The following RAPH1 variants were observed in gnomAD, a reference collection of about 807,000 sequenced individuals.
The protein encoded by RAPH1 is Ras association (RalGDS/AF-6) and pleckstrin homology domains 1.
RAPH1 carries 18 observed loss-of-function variants against 88.1 expected under a neutral mutation model. That is an observed-to-expected ratio of 0.20 (90% CI 0.14 to 0.30). The LOEUF (loss-of-function observed/expected upper bound fraction) is 0.30, where lower values mean the gene tolerates loss of function less well. Ranked by LOEUF, RAPH1 falls within the 10% of genes least tolerant of loss-of-function variation. The probability of loss-of-function intolerance (pLI) is 1.00; values close to 1 mark genes in which losing one functional copy is unlikely to be tolerated. For missense variants in RAPH1, 1,448 were observed against 1,543.2 expected (o/e 0.94, Z 1.03); for synonymous variants, 587 against 559.0 (o/e 1.05, Z -0.71).
chr2:203,505,778 A>C (rs1172020653), intron 1 of RAPH1, among the ~76,000 whole-genome samples: 1 of 152,196 alleles, frequency 6.6e-6, no homozygotes, highest in Admixed American at 6.5e-5. Context: ...GCTTTAAGCC[A>C]CTCAGCGTGT....
intron 1 of RAPH1, among the ~76,000 whole-genome samples, chr2:203,509,696 C>A (rs1689249781): frequency 6.6e-6 from 1 of 152,100 alleles, no homozygotes; most frequent in African/African-American, 2.4e-5. Context: ...GGTATCCCTG[C>A]AAATCTCATG....
At chr2:203,508,078 C>T (rs1480598207) in intron 1 of RAPH1, among the ~76,000 whole-genome samples, 1 of 151,114 alleles carries the variant, frequency 6.6e-6, no homozygotes, top group Non-Finnish European at 1.5e-5. Context: ...AAATTAGCCA[C>T]ATGTGGTGGT....
chr2:203,471,808 C>T (rs1304734436), intron 4 of RAPH1, among the ~76,000 whole-genome samples: 1 of 78,986 alleles, frequency 1.3e-5, no homozygotes, highest in Non-Finnish European at 2.8e-5. Flanking sequence ...CCCCTCTCAC[C>T]CATTCTTTAA....
At chr2:203,523,392 CAAA>C (rs372951126) in intron 1 of RAPH1, among the ~76,000 whole-genome samples, 2 of 99,404 alleles carry the variant, frequency 2.0e-5, no homozygotes, top group African/African-American at 4.1e-5. Context: ...GACTCTGTCT[CAAA>C]AAAAAAAAAA....
chr2:203,489,984 T>C lies in RAPH1; in HGVS notation c.332A>G (p.Gln111Arg). The C allele has an allele frequency of 6.2e-7, 1 of 1,614,246 alleles. No individual in the cohort carries two copies. Among genetic ancestry groups the C allele is most frequent in the Non-Finnish European group, 8.5e-7 (1 of 1,180,034 alleles). The part of the protein sequence containing the change: ...SSIGSGNSKR[Q>R]ITETKATQKL... ...CTGAGTAGCTTTCGTTTCTGTGATT[T>C]GACGCTTACTGTTTCCTGAACCAAT... Residue 111 changes from glutamine to arginine, a missense_variant, in exon 4 of 14, where the codon CAA becomes CGA. Gln to Arg is a conservative substitution (Grantham distance 43, BLOSUM62 1). This residue lies in a region of RAPH1 where 513 missense variants were observed against 653.1 expected (regional missense o/e 0.79). Coordinates refer to ENST00000319170, the MANE Select transcript of RAPH1 (RefSeq NM_213589.3).
chr2:203,441,901 G>A (rs770861854), intron 13 of RAPH1: 28 of 1,346,608 alleles, frequency 2.1e-5, no homozygotes, highest in East Asian at 3.0e-5. Context: ...AATGAGGATG[G>A]CTTTTTGATG....
At position 203,439,295 on chromosome 2, in the gene RAPH1, TAC is replaced by T. The variant is rs922472861; in HGVS notation, c.*140_*141del. 4.6e-5 allele frequency: 32 copies of T among 699,366 alleles called. No homozygotes were observed. Among genetic ancestry groups the T allele is most frequent in the Admixed American group, 7.8e-5 (3 of 38,308 alleles). 43.3% of individuals were successfully genotyped at this position (699,366 alleles called of 1,614,324 possible). ...GTACAGCTGTGTGTACATGCACGTG[TAC>T]ACACACACATACACATATAGCTGGA... On this transcript the variant is annotated 3_prime_UTR_variant, in exon 14 of 14. Coordinates refer to ENST00000319170, the MANE Select transcript of RAPH1 (RefSeq NM_213589.3).
chr2:203,531,259 G>GT (rs1277587213), intron 1 of RAPH1, among the ~76,000 whole-genome samples: 2 of 152,072 alleles, frequency 1.3e-5, no homozygotes, highest in Admixed American at 1.3e-4. Context: ...TGTTTGGGGA[G>GT]TGGGGGGCTG....
At chr2:203,470,369 G>T in intron 4 of RAPH1, 1 of 1,122,112 alleles carries the variant, frequency 8.9e-7, no homozygotes, top group Admixed American at 2.1e-5. Context: ...AGTCAGTGGA[G>T]GTTTTATGTG....
chr2:203,477,968 C>G (rs1302582158), intron 4 of RAPH1, among the ~76,000 whole-genome samples: 2 of 152,086 alleles, frequency 1.3e-5, no homozygotes, highest in Middle Eastern at 3.2e-3. Flanking sequence ...AATTTCTTCC[C>G]TAAAGCCTTC....
In RAPH1 at chr2:203,520,952, G is replaced by C. The variant is rs1689839618; in HGVS notation, c.-1+14159C>G. Among the ~76,000 whole-genome samples, 3 of 152,166 alleles carry C rather than the reference G, an allele frequency of 2.0e-5. No individual in the cohort carries two copies. In the South Asian group the frequency reaches 6.2e-4, roughly 32 times the overall value. ...AACTATCTAACTGTCCCCCAAAAGG[G>C]GAATGGAAAAATCGGCTCATTCTGA... On this transcript the variant is annotated intron_variant, in intron 1 of 13. Coordinates refer to ENST00000319170, the MANE Select transcript of RAPH1 (RefSeq NM_213589.3).
intron 1 of RAPH1, among the ~76,000 whole-genome samples, chr2:203,512,350 T>C (rs1264494019): frequency 1.8e-4 from 24 of 132,186 alleles, no homozygotes; most frequent in Admixed American, 9.0e-4. Flanking sequence ...AGTGAGACTC[T>C]GTCTCAAAAA....
chr2:203,496,832 CTT>C (rs1380327344), intron 1 of RAPH1, among the ~76,000 whole-genome samples: 4 of 152,160 alleles, frequency 2.6e-5, no homozygotes, highest in Non-Finnish European at 4.4e-5. Context: ...ATTAAATACT[CTT>C]GACTCACATT....
intron 12 of RAPH1, 106 bp from the exon 13 acceptor site, chr2:203,445,116 C>T: frequency 1.2e-6 from 1 of 867,626 alleles, no homozygotes; most frequent in Non-Finnish European, 1.7e-6. Context: ...GTGCTGTGTA[C>T]AACAGCACCA....
At chr2:203,488,360 G>T (rs1284985652) in intron 4 of RAPH1, among the ~76,000 whole-genome samples, 1 of 151,760 alleles carries the variant, frequency 6.6e-6, no homozygotes, top group East Asian at 1.9e-4. Context: ...ACTTTGGGAA[G>T]TGGGCGGATC....
rs1035587159 is a variant in RAPH1, at chr2:203,440,656, C to T, written c.2534G>A (p.Ser845Asn). The T allele has an allele frequency of 3.3e-6, 5 of 1,536,758 alleles. No homozygotes were observed. The highest frequency in any genetic ancestry group is 3.8e-5 in the Admixed American group (2 of 52,812). The change falls in exon 14 of 14, where the codon AGC (serine) becomes AAC (asparagine). Residue 845 changes from serine (S) to asparagine (N), a missense_variant. Ser to Asn is a conservative substitution (Grantham distance 46, BLOSUM62 1). Around this residue, in one of 2 missense-constraint regions of RAPH1, gnomAD observed 935 missense variants for 890.1 expected, o/e 1.05. Transcript: ENST00000319170. ...AGAGGGAGGGGGTTTTGCACAGAAG[C>T]TCTGTTGCTTGGGTAATGTTGGCGG... ...VPPPTLPKQQ[S>N]FCAKPPPSPL...
At chr2:203,524,882 A>C (rs1444088496) in intron 1 of RAPH1, among the ~76,000 whole-genome samples, 2 of 152,208 alleles carry the variant, frequency 1.3e-5, no homozygotes, top group Non-Finnish European at 2.9e-5. Flanking sequence ...AAGGCAATAA[A>C]AAATTTTTTA....
At chr2:203,470,424 A>C in intron 4 of RAPH1, 1 of 610,090 alleles carries the variant, frequency 1.6e-6, no homozygotes, top group Non-Finnish European at 2.8e-6. Flanking sequence ...CTCTATAATT[A>C]ATCTCATATC....
In RAPH1 at chr2:203,497,946, CTTAA is replaced by C. The variant is rs925277301; in HGVS notation, c.1-2597_1-2594del. ...AGAAAAACCTCATCTGACCAGATGA[CTTAA>C]TTACTCAAATAGGTGCTAGTTTGAG... On this transcript the variant is annotated intron_variant, in intron 1 of 13. Coordinates refer to ENST00000319170, the MANE Select transcript of RAPH1 (RefSeq NM_213589.3). Among the ~76,000 whole-genome samples, 6 of 152,242 alleles carry C rather than the reference CTTAA, an allele frequency of 3.9e-5. No individual in the cohort carries two copies. The East Asian group carries it at 1.2e-3, about 29-fold the overall frequency.
Sources: gnomAD v4.1 joint callset for allele counts (sites outside exome capture counted in the v4.1 genomes callset) on GRCh38, gnomAD v4.1.1 for gene constraint, gnomAD v4.1.1 regional missense constraint, MANE v1.5 for transcripts, NCBI Gene and HGNC (gene_info 2026-07-23, HGNC 2026-07-21) for gene names.